The following DPYD variants were observed in gnomAD, a reference collection of about 807,000 sequenced individuals.
DPYD encodes the protein dihydropyrimidine dehydrogenase.
A neutral mutation model predicts 116.2 loss-of-function variants in DPYD; 109 were observed. The observed-to-expected ratio is 0.94, with a 90% CI of 0.80 to 1.10. DPYD has a LOEUF of 1.10. DPYD is among the 50% of genes least tolerant of loss of function. DPYD has a pLI of 0.00. For synonymous variants in DPYD, 440 were observed against 432.0 expected (o/e 1.02, Z -0.23); for missense variants, 1,302 against 1,254.5 (o/e 1.04, Z -0.57).
At chr1:97,337,914 T>C (rs1413050942) in intron 16 of DPYD, among the ~76,000 whole-genome samples, 1 of 152,178 alleles carries the variant, frequency 6.6e-6, no homozygotes, top group Non-Finnish European at 1.5e-5. Flanking sequence ...GAACTTGCTT[T>C]ATTTCATGGG....
At chr1:97,654,157 T>C (rs1487832502) in intron 8 of DPYD, among the ~76,000 whole-genome samples, 1 of 152,170 alleles carries the variant, frequency 6.6e-6, no homozygotes, top group African/African-American at 2.4e-5. Context: ...TTACAGAATA[T>C]GTAGCTATAA....
chr1:97,499,201 TTC>T (rs978396880), intron 13 of DPYD, among the ~76,000 whole-genome samples: 6 of 151,728 alleles, frequency 4.0e-5, no homozygotes, highest in Non-Finnish European at 8.9e-5. Context: ...TAAAACAAAT[TTC>T]TGTTTGTTTA....
At chr1:97,193,874 A>C (rs1658562457) in intron 19 of DPYD, among the ~76,000 whole-genome samples, 1 of 152,126 alleles carries the variant, frequency 6.6e-6, no homozygotes, top group African/African-American at 2.4e-5. Flanking sequence ...TTTCTTTTCC[A>C]CACATGGCTA....
chr1:97,581,177 A>C (rs1431327045), intron 10 of DPYD, among the ~76,000 whole-genome samples: 1 of 151,488 alleles, frequency 6.6e-6, no homozygotes, highest in Admixed American at 6.6e-5. Context: ...CAACAACAAA[A>C]ATTAGCTGGG....
At chr1:97,177,224 C>T (rs1557915204) in intron 20 of DPYD, among the ~76,000 whole-genome samples, 1 of 151,994 alleles carries the variant, frequency 6.6e-6, no homozygotes, top group Non-Finnish European at 1.5e-5. Context: ...TAGGTACGAA[C>T]GGTTGTTTCC....
intron 2 of DPYD, among the ~76,000 whole-genome samples, chr1:97,876,322 C>T (rs1671917233): frequency 6.6e-6 from 1 of 151,966 alleles, no homozygotes; most frequent in South Asian, 2.1e-4. Flanking sequence ...GGTCTTGAGG[C>T]TGGCTGGTAC....
rs747872037 is a variant in DPYD, at chr1:97,373,568, C to A, written c.2051G>T (p.Cys684Phe). Reference protein sequence around the residue: ...GMGERGMGLACGQDPELVRNI... With the variant: ...GMGERGMGLAFGQDPELVRNI... ...AGCTGTCAAGGTCCTTACCTGCCCA[C>A]AGGCCAGGCCCATTCCTCTTTCTCC... Residue 684 changes from cysteine (C) to phenylalanine (F), a missense_variant, in exon 16 of 23, where the codon TGT becomes TTT. By Grantham distance (205) the Cys-to-Phe change is radical. Coordinates refer to ENST00000370192, the MANE Select transcript of DPYD (RefSeq NM_000110.4). 1.2e-6 allele frequency: 2 copies of A among 1,613,584 alleles called. No individual in the cohort carries two copies. The highest frequency in any genetic ancestry group is 3.3e-5 in the Admixed American group (2 of 60,010).
At chr1:97,867,943 A>G (rs1671468698) in intron 2 of DPYD, among the ~76,000 whole-genome samples, 2 of 151,828 alleles carry the variant, frequency 1.3e-5, no homozygotes, top group Admixed American at 1.3e-4. Flanking sequence ...GTGTGTTTGC[A>G]GGTGACATGG....
At chr1:97,896,627 A>C (rs1024336886) in intron 1 of DPYD, among the ~76,000 whole-genome samples, 1 of 151,864 alleles carries the variant, frequency 6.6e-6, no homozygotes, top group Non-Finnish European at 1.5e-5. Context: ...AAGCTGTGCA[A>C]CCATCACCAT....
At chr1:97,442,133 C>A (rs917615542) in intron 14 of DPYD, among the ~76,000 whole-genome samples, 2 of 152,002 alleles carry the variant, frequency 1.3e-5, no homozygotes, top group Non-Finnish European at 2.9e-5. Flanking sequence ...AGAACACCTG[C>A]AGGTCTCTGG....
chr1:97,407,731 G>A (rs1673747664), intron 14 of DPYD, among the ~76,000 whole-genome samples: 1 of 152,104 alleles, frequency 6.6e-6, no homozygotes, highest in South Asian at 2.1e-4. Context: ...GAATCAAGGG[G>A]TGTAAGTAGA....
At chr1:97,291,380 A>G (rs1666159400) in intron 18 of DPYD, among the ~76,000 whole-genome samples, 1 of 151,984 alleles carries the variant, frequency 6.6e-6, no homozygotes. Flanking sequence ...ATAAAGACAC[A>G]TGCACACGTA....
intron 13 of DPYD, among the ~76,000 whole-genome samples, chr1:97,493,546 C>G (rs1679085174): frequency 6.6e-6 from 1 of 152,056 alleles, no homozygotes; most frequent in South Asian, 2.1e-4. Flanking sequence ...TGGTTAATGT[C>G]AGGTGGAGCA....
chr1:97,785,013 ATGG>A (rs1666944488), intron 3 of DPYD, among the ~76,000 whole-genome samples: 2 of 152,214 alleles, frequency 1.3e-5, no homozygotes, highest in Admixed American at 1.3e-4. Context: ...TTATAATTTC[ATGG>A]TGTTCTGATT....
chr1:97,710,789 T>G (rs995419301), intron 5 of DPYD, among the ~76,000 whole-genome samples: 1 of 151,894 alleles, frequency 6.6e-6, no homozygotes, highest in African/African-American at 2.4e-5. Flanking sequence ...CTAAATATTT[T>G]TAATAAACTA....
At chr1:97,487,471 A>C (rs1164993507) in intron 13 of DPYD, among the ~76,000 whole-genome samples, 1 of 152,134 alleles carries the variant, frequency 6.6e-6, no homozygotes, top group East Asian at 1.9e-4. Context: ...CAGGAGATCG[A>C]CACCATCCTG....
At chr1:97,666,909 A>G (rs374733170) in intron 8 of DPYD, among the ~76,000 whole-genome samples, 1 of 152,232 alleles carries the variant, frequency 6.6e-6, no homozygotes, top group African/African-American at 2.4e-5. Context: ...TCCACTTAAA[A>G]TGTTTTTTCT....
At chr1:97,670,816 G>A (rs951005279) in intron 8 of DPYD, among the ~76,000 whole-genome samples, 66 of 152,104 alleles carry the variant, frequency 4.3e-4, no homozygotes, top group Non-Finnish European at 6.5e-4. Flanking sequence ...TTCACTTTAA[G>A]AGTTAATTAA....
chr1:97,094,947 C>G (rs555037963), intron 21 of DPYD, among the ~76,000 whole-genome samples: 1 of 152,186 alleles, frequency 6.6e-6, no homozygotes, highest in Admixed American at 6.6e-5. Flanking sequence ...TCCCCTACCT[C>G]TTCCATGAGG....
Sources: allele counts gnomAD v4.1 joint callset (sites outside exome capture counted in the v4.1 genomes callset), GRCh38; gene constraint gnomAD v4.1.1; transcripts MANE v1.5; gene names NCBI Gene and HGNC (gene_info 2026-07-23, HGNC 2026-07-21).